Variants in GSE1 observed in about 807,000 individuals in gnomAD.
GSE1 encodes the protein Gse1 coiled-coil protein, also known as genetic suppressor element 1.
A neutral mutation model predicts 112.6 loss-of-function variants in GSE1; 32 were observed. The observed-to-expected ratio is 0.28, with a 90% CI of 0.21 to 0.38. GSE1 has a LOEUF of 0.38. GSE1 is among the 10% of genes least tolerant of loss of function. The probability of loss-of-function intolerance (pLI) is 1.00; values close to 1 mark genes in which losing one functional copy is unlikely to be tolerated. For synonymous variants in GSE1, 1,115 were observed against 735.6 expected (o/e 1.52, Z -8.35); for missense variants, 2,348 against 1,699.2 (o/e 1.38, Z -6.71).
Position 85,617,605 on chromosome 16 carries a change from C to A in GSE1, c.7+4207C>A, listed in dbSNP as rs1045137424. Reference sequence around the variant, plus strand: ...ATCCGTGTGTCAACCCTCCCCCCCCCCCCCCCGTTAACTGCCACGTGCAGC... The same window carrying A: ...ATCCGTGTGTCAACCCTCCCCCCCCACCCCCCGTTAACTGCCACGTGCAGC... On this transcript the variant is annotated intron_variant, in intron 1 of 15. Transcript: ENST00000253458. Among the ~76,000 whole-genome samples the A allele has an allele frequency of 6.7e-5, 7 of 105,112 alleles. 1 individual carries two copies. Among genetic ancestry groups the A allele is most frequent in the African/African-American group, 1.7e-4 (5 of 30,062 alleles). 69.0% of individuals were successfully genotyped at this position (105,112 alleles called of 152,430 possible).
At chr16:85,255,701 C>A (rs1265732967) in intron 1 of GSE1, among the ~76,000 whole-genome samples, 1 of 151,826 alleles carries the variant, frequency 6.6e-6, no homozygotes, top group African/African-American at 2.4e-5. Context: ...CCGCACCCGG[C>A]CAGTCAGTGC....
At chr16:85,590,955 C>A (rs1357396018) in intron 1 of GSE1, among the ~76,000 whole-genome samples, 1 of 152,178 alleles carries the variant, frequency 6.6e-6, no homozygotes, top group Non-Finnish European at 1.5e-5. Context: ...CAGACGTGCT[C>A]TCGGAGCTGG....
chr16:85,522,486 C>G (rs936941410), intron 2 of GSE1, among the ~76,000 whole-genome samples: 2 of 151,638 alleles, frequency 1.3e-5, no homozygotes, highest in Non-Finnish European at 1.5e-5. Context: ...GACTCACCCC[C>G]GCGTTTCTCG....
At chr16:85,651,085 C>T (rs1332530822) in intron 3 of GSE1, among the ~76,000 whole-genome samples, 3 of 140,496 alleles carry the variant, frequency 2.1e-5, no homozygotes, top group African/African-American at 7.9e-5. Context: ...CCTCCCCCTC[C>T]CCCTCCGCCT....
chr16:85,546,078 C>A (rs1362189993), intron 2 of GSE1, among the ~76,000 whole-genome samples: 1 of 151,728 alleles, frequency 6.6e-6, no homozygotes, highest in Non-Finnish European at 1.5e-5. Flanking sequence ...AGCCGCCGCG[C>A]CCAGCCATTA....
chr16:85,655,050 A>G, intron 5 of GSE1, 59 bp downstream of exon 5: 1 of 1,098,610 alleles, frequency 9.1e-7, no homozygotes, highest in Non-Finnish European at 1.3e-6. Context: ...GGCAAGATGG[A>G]ACCTGGCGGG....
chr16:85,208,950 A>ATGTTGGGGTTCGCCTG (rs934642744), intron 1 of GSE1, among the ~76,000 whole-genome samples: 1 of 76,010 alleles, frequency 1.3e-5, no homozygotes, highest in African/African-American at 5.2e-5. Flanking sequence ...GGTTCGCCGC[A>ATGTTGGGGTTCGCCTG]TGTTGGGGTT....
chr16:85,185,515 G>C (rs1346762617), intron 1 of GSE1, among the ~76,000 whole-genome samples: 1 of 152,242 alleles, frequency 6.6e-6, no homozygotes, highest in Admixed American at 6.5e-5. Flanking sequence ...GAGCTGGGCT[G>C]AGCACGCTTG....
At chr16:85,535,444 T>G (rs1420173684) in intron 2 of GSE1, among the ~76,000 whole-genome samples, 1 of 152,196 alleles carries the variant, frequency 6.6e-6, no homozygotes, top group African/African-American at 2.4e-5. Context: ...GTCAGTGGGA[T>G]TTTACAGACA....
chr16:85,476,885 C>G (rs2050473831), intron 2 of GSE1, among the ~76,000 whole-genome samples: 1 of 149,958 alleles, frequency 6.7e-6, no homozygotes, highest in South Asian at 2.1e-4. Context: ...AGTGTCGAGG[C>G]TACAGGTGTG....
chr16:85,525,167 G>A (rs960754914), intron 2 of GSE1, among the ~76,000 whole-genome samples: 2 of 152,010 alleles, frequency 1.3e-5, no homozygotes, highest in Non-Finnish European at 2.9e-5. Flanking sequence ...GCCCCTGGCC[G>A]GCCCAGTGGT....
intron 2 of GSE1, among the ~76,000 whole-genome samples, chr16:85,544,923 T>C (rs2044645318): frequency 6.6e-6 from 1 of 152,238 alleles, no homozygotes; most frequent in African/African-American, 2.4e-5. Context: ...GCCCGCGCTG[T>C]CACGGTGTCC....
At chr16:85,229,413 T>A (rs1410269430) in intron 1 of GSE1, among the ~76,000 whole-genome samples, 1 of 152,228 alleles carries the variant, frequency 6.6e-6, no homozygotes, top group African/African-American at 2.4e-5. Flanking sequence ...CCCTCTGGCC[T>A]TCCCTGGCCC....
intron 14 of GSE1, 124 bp from the exon 15 acceptor site, chr16:85,670,871 C>T (rs745382302): frequency 1.1e-4 from 73 of 653,366 alleles, no homozygotes; most frequent in Non-Finnish European, 1.9e-4. Flanking sequence ...ACAGGAGAGG[C>T]CTTCGCTGGC....
rs145067554 is a variant in GSE1 at position 85,255,512 on chromosome 16, A to G, written c.2283+83705A>G. ...CTGCAACTTTTGCCTCCCGGGTTCA[A>G]GTGATTCTCCTGCCTCAGCCTCCCA... On this transcript the variant is annotated intron_variant, in intron 1 of 2. Coordinates refer to the GSE1 transcript ENST00000637419. 3.7e-3 allele frequency among the ~76,000 whole-genome samples: 555 copies of G among 151,670 alleles called. 4 individuals are homozygous for G. The highest frequency in any genetic ancestry group is 0.013 in the African/African-American group (543 of 41,268).
At chr16:85,370,609 C>T (rs537458837) in intron 2 of GSE1, among the ~76,000 whole-genome samples, 3 of 4,772 alleles carry the variant, frequency 6.3e-4, no homozygotes, top group African/African-American at 1.0e-3. Context: ...TCTTCCCTCC[C>T]TCCTTCTCTC....
chr16:85,422,675 G>T (rs2048877959), intron 2 of GSE1, among the ~76,000 whole-genome samples: 1 of 152,216 alleles, frequency 6.6e-6, no homozygotes, highest in Non-Finnish European at 1.5e-5. Flanking sequence ...ACCTGAAGGA[G>T]GCGAGAGGAG....
At chr16:85,323,230 G>GT (rs1207568457) in intron 1 of GSE1, among the ~76,000 whole-genome samples, 2 of 152,130 alleles carry the variant, frequency 1.3e-5, no homozygotes, top group Non-Finnish European at 2.9e-5. Context: ...TCAATAGAGC[G>GT]TTTTTGTGCT....
chr16:85,230,501 A>G (rs1304186885), intron 1 of GSE1, among the ~76,000 whole-genome samples: 2 of 152,204 alleles, frequency 1.3e-5, no homozygotes, highest in Non-Finnish European at 2.9e-5. Context: ...TCTTGGATGC[A>G]GGACTCACTG....
Sources: allele counts gnomAD v4.1 joint callset (sites outside exome capture counted in the v4.1 genomes callset), GRCh38; gene constraint gnomAD v4.1.1; transcripts MANE v1.5; gene names NCBI Gene and HGNC (gene_info 2026-07-23, HGNC 2026-07-21).